Variants in CCDC178 observed in about 807,000 individuals in gnomAD.
CCDC178 encodes the protein coiled-coil domain containing 178, also known as coiled-coil domain-containing protein 178.
A neutral mutation model predicts 117.4 loss-of-function variants in CCDC178; 126 were observed. The observed-to-expected ratio is 1.07, with a 90% CI of 0.93 to 1.24. The LOEUF is 1.24. Among genes scored for constraint, CCDC178 ranks in the 50% most tolerant of loss-of-function variants. CCDC178 has a pLI of 0.00. For missense variants in CCDC178, 1,030 were observed against 986.9 expected (o/e 1.04, Z -0.59); for synonymous variants, 283 against 313.4 (o/e 0.90, Z 1.02).
chr18:33,272,160 T>C (rs2059898616), intron 12 of CCDC178, among the ~76,000 whole-genome samples: 1 of 151,356 alleles, frequency 6.6e-6, no homozygotes, highest in African/African-American at 2.4e-5. Flanking sequence ...TTTGACAAAA[T>C]ACTGTATACA....
At chr18:33,201,367 A>G (rs1332272719) in intron 20 of CCDC178, among the ~76,000 whole-genome samples, 1 of 152,140 alleles carries the variant, frequency 6.6e-6, no homozygotes, top group Non-Finnish European at 1.5e-5. Flanking sequence ...TCATCTTTAC[A>G]TTTGATCTTC....
intron 10 of CCDC178, chr18:33,328,119 T>TGAGACAGAGTCTTGC: frequency 3.2e-6 from 1 of 316,036 alleles, no homozygotes; most frequent in Non-Finnish European, 5.8e-6. Flanking sequence ...TTTTTTTTTT[T>TGAGACAGAGTCTTGC]TGAGACAGAG....
chr18:33,032,933 G>A (rs1016480933), intron 21 of CCDC178, among the ~76,000 whole-genome samples: 3 of 151,888 alleles, frequency 2.0e-5, no homozygotes, highest in African/African-American at 7.3e-5. Flanking sequence ...CCCCTGAATT[G>A]GGTAAATTTG....
At chr18:33,420,214 C>T (rs1016027410) in intron 2 of CCDC178, among the ~76,000 whole-genome samples, 20 of 152,104 alleles carry the variant, frequency 1.3e-4, no homozygotes, top group African/African-American at 4.8e-4. Flanking sequence ...GCAAATATCA[C>T]ATGTTCTCAC....
intron 11 of CCDC178, chr18:33,323,233 G>C (rs112828712): frequency 9.3e-6 from 2 of 214,656 alleles, no homozygotes; most frequent in African/African-American, 4.6e-5. Flanking sequence ...CATGTCCTCA[G>C]GCAATTTTGC....
intron 22 of CCDC178, chr18:32,956,872 T>C (rs922789109): frequency 6.6e-6 from 1 of 152,220 alleles, no homozygotes. Context: ...TCTGAACTTT[T>C]ATAAGGCAAA....
At chr18:33,219,477 G>A (rs973633167) in intron 18 of CCDC178, among the ~76,000 whole-genome samples, 14 of 152,074 alleles carry the variant, frequency 9.2e-5, no homozygotes, top group Non-Finnish European at 1.9e-4. Flanking sequence ...ACATTCACAC[G>A]TATGTTTATT....
chr18:33,110,496 C>T (rs1413108491), intron 20 of CCDC178, among the ~76,000 whole-genome samples: 2 of 151,584 alleles, frequency 1.3e-5, no homozygotes, highest in African/African-American at 4.8e-5. Context: ...GATGTTCTCA[C>T]AGGTTTTTCC....
intron 12 of CCDC178, among the ~76,000 whole-genome samples, chr18:33,288,540 G>T (rs1475533209): frequency 6.6e-6 from 1 of 150,454 alleles, no homozygotes; most frequent in African/African-American, 2.5e-5. Flanking sequence ...GTCTAACATG[G>T]GAAAGGCATT....
At chr18:33,192,688 G>A (rs1204415239) in intron 20 of CCDC178, among the ~76,000 whole-genome samples, 1 of 151,484 alleles carries the variant, frequency 6.6e-6, no homozygotes, top group Non-Finnish European at 1.5e-5. Flanking sequence ...ATCACCTGAG[G>A]TCAGGAGTTT....
intron 14 of CCDC178, among the ~76,000 whole-genome samples, 182 bp downstream of exon 14, chr18:33,266,734 A>G (rs1159657545): frequency 6.6e-6 from 1 of 151,716 alleles, no homozygotes; most frequent in Non-Finnish European, 1.5e-5. Context: ...TGGCACATGT[A>G]TTCTGACTTT....
At chr18:33,166,813 T>C (rs772862392) in intron 20 of CCDC178, among the ~76,000 whole-genome samples, 107 of 152,284 alleles carry the variant, frequency 7.0e-4, no homozygotes, top group Middle Eastern at 3.4e-3. Context: ...GAGATACATG[T>C]GCAGGTTTGT....
chr18:33,396,551 A>G (rs2063639598), intron 4 of CCDC178, among the ~76,000 whole-genome samples: 1 of 152,166 alleles, frequency 6.6e-6, no homozygotes, highest in Non-Finnish European at 1.5e-5. Context: ...AGCAAAATGG[A>G]TGAAAGCCAC....
At chr18:33,320,199 C>T (rs578232380) in intron 11 of CCDC178, among the ~76,000 whole-genome samples, 1 of 152,322 alleles carries the variant, frequency 6.6e-6, no homozygotes, top group East Asian at 1.9e-4. Context: ...GGGATGCCCT[C>T]TCTCACCACT....
intron 20 of CCDC178, among the ~76,000 whole-genome samples, chr18:33,190,036 A>T (rs112852965): frequency 6.9e-6 from 1 of 145,106 alleles, no homozygotes; most frequent in Non-Finnish European, 1.5e-5. Context: ...GAAGCCCTAG[A>T]CTACCAACCA....
At chr18:33,227,118 T>G (rs915027126) in intron 15 of CCDC178, among the ~76,000 whole-genome samples, 1 of 152,012 alleles carries the variant, frequency 6.6e-6, no homozygotes, top group Non-Finnish European at 1.5e-5. Context: ...ATCAAAGTAA[T>G]AAGAAAGTGA....
intron 21 of CCDC178, among the ~76,000 whole-genome samples, chr18:32,999,406 G>A (rs529636527): frequency 1.8e-4 from 27 of 152,284 alleles, no homozygotes; most frequent in Admixed American, 1.3e-4. Flanking sequence ...CAGGGCCAGG[G>A]GAACTCACTG....
Position 33,092,698 on chromosome 18 carries a change from T to C in CCDC178, c.2388+63A>G, listed in dbSNP as rs2057485550. 3 of 1,188,646 alleles carry C rather than the reference T, an allele frequency of 2.5e-6. No homozygotes were observed. The South Asian group carries it at 4.4e-5, about 17-fold the overall frequency. The allele number at this position is 1,188,646 out of a possible 1,614,324, so 73.6% of individuals were successfully genotyped here. On this transcript the variant is annotated intron_variant, in intron 21 of 22. Coordinates refer to ENST00000383096, the MANE Select transcript of CCDC178 (RefSeq NM_001105528.4). ...TCAGAGGCACCCAAACTGACTACTTTTTACTTTTGTAGTGCATATATGACA... is the reference window on the plus strand; with the variant it reads ...TCAGAGGCACCCAAACTGACTACTTCTTACTTTTGTAGTGCATATATGACA...
intron 21 of CCDC178, chr18:32,983,225 G>C: frequency 1.0e-6 from 1 of 990,222 alleles, no homozygotes. Context: ...CTTGTTAGAG[G>C]TTACAGTATT....
Sources: gnomAD v4.1 joint callset for allele counts (sites outside exome capture counted in the v4.1 genomes callset) on GRCh38, gnomAD v4.1.1 for gene constraint, MANE v1.5 for transcripts, NCBI Gene and HGNC (gene_info 2026-07-23, HGNC 2026-07-21) for gene names.